PARD3B: variants seen among roughly 807,000 people sequenced by gnomAD.
PARD3B encodes partitioning defective 3 homolog B.
PARD3B carries 103 observed loss-of-function variants against 130.2 expected under a neutral mutation model. The ratio of observed to expected loss-of-function variants is 0.79; its 90% CI spans 0.67 to 0.93. PARD3B has a LOEUF of 0.93. PARD3B is among the 40% of genes least tolerant of loss of function. The pLI is 0.00. For synonymous variants in PARD3B, 583 were observed against 553.2 expected, an observed-to-expected ratio of 1.05 and a Z score of -0.76; for missense variants, 1,609 against 1,499.2, an observed-to-expected ratio of 1.07 and a Z score of -1.21.
At chr2:204,739,455 ATAT>A (rs993075468) in intron 2 of PARD3B, among the ~76,000 whole-genome samples, 3 of 151,654 alleles carry the variant, frequency 2.0e-5, no homozygotes, top group Non-Finnish European at 4.4e-5. Flanking sequence ...CTCTATTATT[ATAT>A]TATTATTATT....
At position 205,440,504 on chromosome 2, in the gene PARD3B, T is replaced by G. The variant is rs752143686; in HGVS notation, c.2876T>G (p.Phe959Cys). ...MDPNYARVNH[F>C]REPCTSANVF... is the part of the protein sequence containing the mutation. ...CCCAATTATGCCAGAGTGAACCACT[T>G]TCGGGAACCATGCACATCAGCAAAT... Residue 959 changes from phenylalanine (F) to cysteine (C), a missense_variant, in exon 20 of 23, where the codon TTT becomes TGT. Phe to Cys is a radical substitution (Grantham distance 205). Coordinates refer to ENST00000406610, the MANE Select transcript of PARD3B (RefSeq NM_001302769.2). This position sits in a 1 kb window ranked among gnomAD's most constrained non-coding sequence, Gnocchi z 4.2. 2 of 1,614,068 alleles carry G rather than the reference T, an allele frequency of 1.2e-6. No individual in the cohort carries two copies. The highest frequency in any genetic ancestry group is 1.7e-5 in the Admixed American group (1 of 60,014).
At chr2:204,813,332 G>C (rs2043030013) in intron 2 of PARD3B, among the ~76,000 whole-genome samples, 1 of 151,826 alleles carries the variant, frequency 6.6e-6, no homozygotes, top group Non-Finnish European at 1.5e-5. Flanking sequence ...ATTTTCTTTG[G>C]TAAAGAGTTT....
chr2:204,991,131 T>G (rs1029312276), intron 3 of PARD3B, among the ~76,000 whole-genome samples: 1 of 152,028 alleles, frequency 6.6e-6, no homozygotes, highest in Non-Finnish European at 1.5e-5. Flanking sequence ...ATTGTGCAGG[T>G]TAGTTACATA....
chr2:205,057,635 A>G (rs1378307018), intron 4 of PARD3B, among the ~76,000 whole-genome samples: 1 of 144,920 alleles, frequency 6.9e-6, no homozygotes, highest in Non-Finnish European at 1.5e-5. Context: ...GTATATATAT[A>G]CATATATGTG....
intron 3 of PARD3B, among the ~76,000 whole-genome samples, chr2:205,006,369 A>G (rs1418296919): frequency 1.3e-5 from 2 of 152,158 alleles, no homozygotes; most frequent in Non-Finnish European, 2.9e-5. Flanking sequence ...CTACTTTTGT[A>G]TCCTTAAGAA....
intron 2 of PARD3B, among the ~76,000 whole-genome samples, chr2:204,960,444 A>G (rs1220605801): frequency 6.6e-6 from 1 of 152,204 alleles, no homozygotes; most frequent in East Asian, 1.9e-4. Context: ...TGAATAAAAA[A>G]GGAGGAATTT....
In PARD3B at chr2:204,796,528, A is replaced by G. The variant is rs895738844; in HGVS notation, c.222+110246A>G. On this transcript the variant is annotated intron_variant, in intron 2 of 22. Coordinates refer to ENST00000406610, the MANE Select transcript of PARD3B (RefSeq NM_001302769.2). ...CCACTTTGTCCTTCTGAACATCTCAACGTAGACCATGAATGTGAAACTAGG... is the reference window on the plus strand; with the variant it reads ...CCACTTTGTCCTTCTGAACATCTCAGCGTAGACCATGAATGTGAAACTAGG... Among the ~76,000 whole-genome samples, 4 of 152,206 alleles carry G rather than the reference A, an allele frequency of 2.6e-5. No individual in the cohort carries two copies. In the East Asian group the frequency reaches 7.7e-4, roughly 29 times the overall value.
chr2:205,079,344 T>G (rs1327024253), intron 4 of PARD3B, among the ~76,000 whole-genome samples: 1 of 152,120 alleles, frequency 6.6e-6, no homozygotes, highest in Non-Finnish European at 1.5e-5. Flanking sequence ...AGAACAGAAA[T>G]TCGTTTCTCA....
At position 205,568,204 on chromosome 2, in the gene PARD3B, G is replaced by A. The variant is rs1391800316; in HGVS notation, c.3260+14801G>A. 6.6e-6 allele frequency among the ~76,000 whole-genome samples: 1 copy of A among 152,196 alleles called. No individual in the cohort carries two copies. The highest frequency in any genetic ancestry group is 2.4e-5 in the African/African-American group (1 of 41,448). The stretch of plus-strand genomic sequence containing the variant: ...AAGGCTCAGGGTTCAAAGCAGATCA[G>A]TTGTGGTTGCCTTTCGTGAGAGAAA... On this transcript the variant is annotated intron_variant, in intron 22 of 22. Transcript: ENST00000406610. The surrounding 1 kb of genome is among the most constrained non-coding windows in gnomAD (Gnocchi z 5.3).
chr2:205,060,827 C>T (rs974684418), intron 4 of PARD3B, among the ~76,000 whole-genome samples: 8 of 152,008 alleles, frequency 5.3e-5, no homozygotes, highest in African/African-American at 1.2e-4. Context: ...TCTCAACTAA[C>T]GTCATGAATG....
At chr2:204,791,606 A>C (rs2042208205) in intron 2 of PARD3B, among the ~76,000 whole-genome samples, 1 of 152,222 alleles carries the variant, frequency 6.6e-6, no homozygotes, top group South Asian at 2.1e-4. Flanking sequence ...ACTCTTTTTC[A>C]GTGGCTTACC....
At chr2:205,257,838 T>G (rs2040153750) in intron 16 of PARD3B, among the ~76,000 whole-genome samples, 2 of 152,320 alleles carry the variant, frequency 1.3e-5, no homozygotes, top group South Asian at 4.1e-4. Context: ...TCTGTCATGC[T>G]TCTTTACAAA....
At chr2:205,424,615 G>T (rs368600487) in intron 19 of PARD3B, among the ~76,000 whole-genome samples, 2 of 152,250 alleles carry the variant, frequency 1.3e-5, no homozygotes, top group African/African-American at 4.8e-5. Context: ...TGACAGAATG[G>T]AAAGAAAAGA....
chr2:205,471,321 A>C (rs1408579588), intron 20 of PARD3B, among the ~76,000 whole-genome samples: 1 of 151,878 alleles, frequency 6.6e-6, no homozygotes, highest in Admixed American at 6.6e-5. Context: ...TGGCTTAAAA[A>C]AGAAAGACAC....
chr2:204,591,087 T>C (rs1471250554), intron 1 of PARD3B, among the ~76,000 whole-genome samples: 2 of 152,266 alleles, frequency 1.3e-5, no homozygotes, highest in Non-Finnish European at 2.9e-5. Context: ...TTAAAATGAA[T>C]GTTGCAATTA....
rs532348129 is a variant in PARD3B, at chr2:204,756,648, C to A, written c.222+70366C>A. Among the ~76,000 whole-genome samples the A allele has an allele frequency of 4.1e-4, 63 of 152,144 alleles. 1 individual carries two copies. Among genetic ancestry groups the A allele is most frequent in the Non-Finnish European group, 8.4e-4 (57 of 68,034 alleles). On this transcript the variant is annotated intron_variant, in intron 2 of 22. Coordinates refer to ENST00000406610, the MANE Select transcript of PARD3B (RefSeq NM_001302769.2). ...CTACATTTGCTCCAAATATTCCCAA[C>A]TCTCTGAGAGAGGCACGCCAGACTT...
intron 21 of PARD3B, among the ~76,000 whole-genome samples, chr2:205,538,122 C>G (rs2051945838): frequency 6.6e-6 from 1 of 152,142 alleles, no homozygotes; most frequent in African/African-American, 2.4e-5. Flanking sequence ...TATTTGTCCT[C>G]AAAGCACTGA....
At chr2:204,757,564 A>G (rs980513238) in intron 2 of PARD3B, among the ~76,000 whole-genome samples, 15 of 152,116 alleles carry the variant, frequency 9.9e-5, no homozygotes, top group Admixed American at 6.6e-4. Context: ...TCTTTTGAGA[A>G]GCATCTTTGT....
intron 2 of PARD3B, among the ~76,000 whole-genome samples, chr2:204,716,594 A>G (rs954160671): frequency 2.0e-5 from 3 of 146,734 alleles, no homozygotes; most frequent in African/African-American, 5.0e-5. Flanking sequence ...TGTTTTTGCT[A>G]TTAAAAGTAA....
Sources: gnomAD v4.1 joint callset for allele counts (sites outside exome capture counted in the v4.1 genomes callset) on GRCh38, gnomAD v4.1.1 for gene constraint, Gnocchi (gnomAD v3.1) non-coding constraint, MANE v1.5 for transcripts, NCBI Gene and HGNC (gene_info 2026-07-23, HGNC 2026-07-21) for gene names.